Variants in ADGRD1 observed in about 807,000 individuals in gnomAD.
ADGRD1 encodes adhesion G protein-coupled receptor D1, also known as G-protein coupled receptor 133.
Under a neutral mutation model 113.4 loss-of-function variants are expected in ADGRD1, and 77 were observed. The observed-to-expected ratio is 0.68, with a 90% CI of 0.57 to 0.82. ADGRD1 has a LOEUF of 0.82. Among genes scored for constraint, ADGRD1 ranks in the 40% least tolerant of loss-of-function variants. The pLI is 0.00. For synonymous variants in ADGRD1, 474 were observed against 475.0 expected (o/e 1.00, Z 0.03); for missense variants, 1,036 against 1,139.1 (o/e 0.91, Z 1.30).
chr12:131,069,031 G>C (rs942090260), intron 13 of ADGRD1, among the ~76,000 whole-genome samples: 4 of 152,218 alleles, frequency 2.6e-5, no homozygotes, highest in Non-Finnish European at 5.9e-5. Context: ...GATGCCATTA[G>C]ATGGAATTTG....
chr12:131,004,392 G>GCTGCGGTGCACCCCCGGGCCGC, intron 11 of ADGRD1, 96 bp downstream of exon 11: 1 of 790,716 alleles, frequency 1.3e-6, no homozygotes, highest in Non-Finnish European at 2.1e-6. Flanking sequence ...GCGCCAGGGA[G>GCTGCGGTGCACCCCCGGGCCGC]CTGCGGTGCT....
chr12:131,092,640 C>T (rs566301373), intron 15 of ADGRD1, among the ~76,000 whole-genome samples: 2 of 152,124 alleles, frequency 1.3e-5, no homozygotes, highest in Non-Finnish European at 2.9e-5. Context: ...TGGCTCTGAC[C>T]TGGGGGGTGC....
At chr12:131,058,861 G>A (rs528088150) in intron 13 of ADGRD1, among the ~76,000 whole-genome samples, 106 of 152,278 alleles carry the variant, frequency 7.0e-4, no homozygotes, top group Middle Eastern at 3.4e-3. Context: ...CAGGTTTTCC[G>A]GTTTGAGTTT....
At chr12:131,012,323 T>G (rs1878029712) in intron 12 of ADGRD1, among the ~76,000 whole-genome samples, 1 of 151,748 alleles carries the variant, frequency 6.6e-6, no homozygotes, top group Admixed American at 6.6e-5. Flanking sequence ...GTGTGTCATC[T>G]GGACTTTGGG....
intron 15 of ADGRD1, among the ~76,000 whole-genome samples, chr12:131,103,948 G>A (rs1950160737): frequency 6.6e-6 from 1 of 152,166 alleles, no homozygotes; most frequent in South Asian, 2.1e-4. Context: ...GAGCCTCCTG[G>A]AGCGCAGGGT....
intron 2 of ADGRD1, among the ~76,000 whole-genome samples, chr12:130,958,479 T>C (rs956051291): frequency 6.6e-6 from 1 of 152,044 alleles, no homozygotes; most frequent in Non-Finnish European, 1.5e-5. Context: ...GGATTACAGG[T>C]GTGAGCCACC....
chr12:131,005,768 G>A (rs1247252232), intron 11 of ADGRD1, among the ~76,000 whole-genome samples: 1 of 149,244 alleles, frequency 6.7e-6, no homozygotes, highest in African/African-American at 2.5e-5. Context: ...TCAGGGGATG[G>A]AGCAGGGATC....
At chr12:130,980,712 T>C (rs189905838) in intron 4 of ADGRD1, 2 of 152,376 alleles carry the variant, frequency 1.3e-5, no homozygotes, top group South Asian at 2.1e-4. Flanking sequence ...GTTCCTCTTA[T>C]AGTAAAAACA....
At chr12:131,052,105 C>A (rs1455406262) in intron 13 of ADGRD1, among the ~76,000 whole-genome samples, 13 of 152,196 alleles carry the variant, frequency 8.5e-5, no homozygotes, top group Non-Finnish European at 1.5e-5. Flanking sequence ...GCACGGGACC[C>A]TCCTTTATTA....
intron 13 of ADGRD1, among the ~76,000 whole-genome samples, chr12:131,067,034 G>T (rs576364726): frequency 6.6e-6 from 1 of 152,194 alleles, no homozygotes; most frequent in East Asian, 1.9e-4. Flanking sequence ...CGGGGCTGCC[G>T]CCAGGCTCAG....
intron 12 of ADGRD1, among the ~76,000 whole-genome samples, chr12:131,011,757 G>A (rs1235416884): frequency 1.3e-5 from 2 of 152,222 alleles, no homozygotes; most frequent in Admixed American, 6.5e-5. Context: ...TTTTTCCAGC[G>A]CGTTTGGTGG....
chr12:131,038,019 G>C (rs1881717557), intron 13 of ADGRD1, among the ~76,000 whole-genome samples: 1 of 150,420 alleles, frequency 6.6e-6, no homozygotes, highest in Non-Finnish European at 1.5e-5. Context: ...TCACTGCATG[G>C]AGCCTCACTC....
In ADGRD1 at chr12:131,128,662, C is replaced by T. The variant is rs187642414; in HGVS notation, c.2176-3063C>T. 1.2e-4 allele frequency among the ~76,000 whole-genome samples: 18 copies of T among 152,256 alleles called. No homozygotes were observed. The East Asian group carries it at 2.5e-3, about 21-fold the overall frequency. ...CCACCCTCCCTCCAAACAGGCAACC[C>T]GTGATGCTGGTTTCATGGGTATCCT... On this transcript the variant is annotated intron_variant, in intron 20 of 24. Transcript: ENST00000261654.
chr12:131,138,191 G>C lies in ADGRD1; in HGVS notation c.2491G>C (p.Ala831Pro). The change falls in exon 24 of 25, where the codon GCC becomes CCC. Residue 831 changes from alanine (A) to proline (P), a missense_variant. Coordinates refer to ENST00000261654, the MANE Select transcript of ADGRD1 (RefSeq NM_198827.5). Reference protein sequence around the residue: ...TKVWSLTSSSARTSNAKPFHS... With the variant: ...TKVWSLTSSSPRTSNAKPFHS... ...GGTCTGGTCGCTCACGAGCAGCTCT[G>C]CCCGCACCTCCAACGCGAAGCCCTT... 6.2e-7 allele frequency: 1 copy of C among 1,613,550 alleles called. No individual in the cohort carries two copies. The highest frequency in any genetic ancestry group is 8.5e-7 in the Non-Finnish European group (1 of 1,179,920).
intron 10 of ADGRD1, 132 bp from the exon 11 acceptor site, chr12:131,004,054 C>G: frequency 5.5e-5 from 21 of 381,792 alleles, no homozygotes; most frequent in East Asian, 1.4e-4. Flanking sequence ...GCCATGCTTT[C>G]TAAAGGTAAT....
At chr12:131,021,288 T>C (rs1285759240) in intron 13 of ADGRD1, among the ~76,000 whole-genome samples, 4 of 152,122 alleles carry the variant, frequency 2.6e-5, no homozygotes, top group African/African-American at 9.7e-5. Flanking sequence ...GGGTCTCATC[T>C]CGGCTGGCAC....
At chr12:131,048,877 G>T (rs1485873930) in intron 13 of ADGRD1, among the ~76,000 whole-genome samples, 2 of 152,142 alleles carry the variant, frequency 1.3e-5, no homozygotes, top group East Asian at 3.9e-4. Context: ...GCCTCCAGCT[G>T]GTGGGGAAGA....
chr12:131,124,813 C>G (rs1239103637), intron 20 of ADGRD1, among the ~76,000 whole-genome samples: 1 of 152,230 alleles, frequency 6.6e-6, no homozygotes, highest in Non-Finnish European at 1.5e-5. Context: ...GCTTTTCATT[C>G]ACTCGGTGAT....
intron 13 of ADGRD1, among the ~76,000 whole-genome samples, chr12:131,037,940 T>TG (rs1398688728): frequency 3.4e-5 from 5 of 149,036 alleles, no homozygotes; most frequent in African/African-American, 5.0e-5. Context: ...ACTCACTGCA[T>TG]GGGGCCTCAC....
Sources: allele counts gnomAD v4.1 joint callset (sites outside exome capture counted in the v4.1 genomes callset), GRCh38; gene constraint gnomAD v4.1.1; transcripts MANE v1.5; gene names NCBI Gene and HGNC (gene_info 2026-07-23, HGNC 2026-07-21).